Variants in CNTN3 observed in about 807,000 individuals in gnomAD.
The protein encoded by CNTN3 is contactin-3.
CNTN3 carries 60 observed loss-of-function variants against 119.1 expected under a neutral mutation model. The observed-to-expected ratio is 0.50, with a 90% CI of 0.41 to 0.62. CNTN3 has a LOEUF of 0.62. CNTN3 is among the 20% of genes least tolerant of loss of function. The pLI is 0.00. For missense variants in CNTN3, 1,101 were observed against 1,242.4 expected, an observed-to-expected ratio of 0.89 and a Z score of 1.71; for synonymous variants, 450 against 438.7, an observed-to-expected ratio of 1.03 and a Z score of -0.32.
At chr3:74,569,806 G>A (rs931447078) in intron 1 of CNTN3, among the ~76,000 whole-genome samples, 2 of 152,148 alleles carry the variant, frequency 1.3e-5, no homozygotes, top group African/African-American at 4.8e-5. Flanking sequence ...CTGGGGCTGA[G>A]ATCTCCCCTG....
At chr3:74,302,092 A>G (rs915442833) in intron 14 of CNTN3, among the ~76,000 whole-genome samples, 7 of 152,202 alleles carry the variant, frequency 4.6e-5, no homozygotes, top group Admixed American at 2.0e-4. Flanking sequence ...GCCTCTGTTC[A>G]GCAGGATTCC....
chr3:74,304,834 T>A (rs1236703244), intron 13 of CNTN3, among the ~76,000 whole-genome samples: 1 of 152,184 alleles, frequency 6.6e-6, no homozygotes, highest in Non-Finnish European at 1.5e-5. Context: ...GAAATGATTT[T>A]TTTTCAGCCC....
In CNTN3 at chr3:74,348,413, G is replaced by A. The variant is rs559871395; in HGVS notation, c.1365-11755C>T. On this transcript the variant is annotated intron_variant, in intron 11 of 22. Transcript: ENST00000263665. ...GAATTTGGATAGCTTGTGACTCACT[G>A]GTCACCAGTGGAATGCAGGGAAAGT... is the stretch of plus-strand genomic sequence containing the variant. 2.1e-4 allele frequency among the ~76,000 whole-genome samples: 32 copies of A among 152,244 alleles called. 1 individual carries two copies. The South Asian group carries it at 2.7e-3, about 13-fold the overall frequency.
At chr3:74,536,758 C>G (rs1175729144) in intron 1 of CNTN3, among the ~76,000 whole-genome samples, 2 of 152,084 alleles carry the variant, frequency 1.3e-5, no homozygotes, top group Non-Finnish European at 2.9e-5. Context: ...GTTCCCTTCA[C>G]CAAGCCTATT....
intron 1 of CNTN3, among the ~76,000 whole-genome samples, chr3:74,525,091 T>C (rs1463320276): frequency 6.6e-6 from 1 of 151,736 alleles, no homozygotes; most frequent in Non-Finnish European, 1.5e-5. Flanking sequence ...ATATTTGAAA[T>C]AAACATTCAA....
chr3:74,522,128 A>G (rs2107123348), intron 1 of CNTN3, among the ~76,000 whole-genome samples: 1 of 152,014 alleles, frequency 6.6e-6, no homozygotes, highest in South Asian at 2.1e-4. Flanking sequence ...ATGCAATCAG[A>G]TATTATGTAC....
intron 11 of CNTN3, among the ~76,000 whole-genome samples, chr3:74,356,189 C>G (rs1378021618): frequency 5.3e-5 from 8 of 152,028 alleles, no homozygotes; most frequent in African/African-American, 2.4e-5. Flanking sequence ...AGAGTGAGCC[C>G]TCACCAGACT....
chr3:74,544,804 T>G (rs919567143), intron 1 of CNTN3, among the ~76,000 whole-genome samples: 21 of 152,096 alleles, frequency 1.4e-4, no homozygotes, highest in African/African-American at 4.8e-4. Context: ...TTCACCATGT[T>G]AGCCAGGATG....
chr3:74,577,426 G>GT (rs1471474729), intron 1 of CNTN3, among the ~76,000 whole-genome samples: 2 of 152,084 alleles, frequency 1.3e-5, no homozygotes, highest in African/African-American at 2.4e-5. Flanking sequence ...TTTCTCAAGA[G>GT]TGGGGGGGAA....
intron 4 of CNTN3, among the ~76,000 whole-genome samples, chr3:74,458,948 A>C (rs1702317501): frequency 6.6e-6 from 1 of 152,008 alleles, no homozygotes; most frequent in Non-Finnish European, 1.5e-5. Context: ...GAAGTTGCAG[A>C]CCAACTGCAG....
intron 5 of CNTN3, among the ~76,000 whole-genome samples, chr3:74,380,070 G>C (rs1381693101): frequency 6.6e-6 from 1 of 152,266 alleles, no homozygotes; most frequent in South Asian, 2.1e-4. Flanking sequence ...TTCCCAAAAC[G>C]ACAGCACTGG....
chr3:74,607,610 CAG>C (rs1705014805), intron 1 of CNTN3, among the ~76,000 whole-genome samples: 1 of 152,154 alleles, frequency 6.6e-6, no homozygotes, highest in South Asian at 2.1e-4. Flanking sequence ...ACCAAAGACA[CAG>C]AGAACCACCC....
In CNTN3 at chr3:74,499,285, C is replaced by T. The variant is rs187361917; in HGVS notation, c.182+374G>A. ...CATATCCAGTAAAATGGTAAACGGA[C>T]AAAAGGTGGCACACAGAAGTATTTG... is the stretch of plus-strand genomic sequence containing the variant. On this transcript the variant is annotated intron_variant, in intron 3 of 22. Coordinates refer to ENST00000263665, the MANE Select transcript of CNTN3 (RefSeq NM_020872.3). Among the ~76,000 whole-genome samples the T allele has an allele frequency of 1.4e-4, 22 of 151,878 alleles. No homozygotes were observed. The East Asian group carries it at 4.1e-3, about 28-fold the overall frequency.
intron 13 of CNTN3, among the ~76,000 whole-genome samples, chr3:74,305,265 G>C (rs1271926516): frequency 2.0e-5 from 3 of 152,156 alleles, no homozygotes; most frequent in Non-Finnish European, 4.4e-5. Flanking sequence ...ACACTTCCAA[G>C]TTCTGCTGAA....
chr3:74,527,793 T>A (rs1159858215), intron 1 of CNTN3, among the ~76,000 whole-genome samples: 1 of 151,974 alleles, frequency 6.6e-6, no homozygotes, highest in Non-Finnish European at 1.5e-5. Flanking sequence ...GATGACTATT[T>A]GTACTTGACA....
intron 1 of CNTN3, among the ~76,000 whole-genome samples, chr3:74,555,023 C>T (rs917079721): frequency 6.6e-6 from 1 of 152,196 alleles, no homozygotes; most frequent in African/African-American, 2.4e-5. Context: ...AGTTATTGCC[C>T]ATCCAGTATG....
At position 74,320,524 on chromosome 3, in the gene CNTN3, G is replaced by C. The variant is rs192836446; in HGVS notation, c.1668+14211C>G. Among the ~76,000 whole-genome samples the C allele has an allele frequency of 2.6e-5, 4 of 152,250 alleles. No individual in the cohort carries two copies. The East Asian group carries it at 7.7e-4, about 29-fold the overall frequency. ...CACACTCCAGGGACTGTTGTGGGGT[G>C]GGGGGACGTGGGAGGGATAGCATTA... On this transcript the variant is annotated intron_variant, in intron 13 of 22. Transcript: ENST00000263665.
intron 1 of CNTN3, among the ~76,000 whole-genome samples, chr3:74,565,716 T>G (rs1220833208): frequency 6.6e-6 from 1 of 152,116 alleles, no homozygotes; most frequent in African/African-American, 2.4e-5. Flanking sequence ...GCCTGTGCCC[T>G]GCCAAAATGT....
chr3:74,371,872 T>C (rs1435385537), intron 5 of CNTN3, among the ~76,000 whole-genome samples: 1 of 152,080 alleles, frequency 6.6e-6, no homozygotes, highest in African/African-American at 2.4e-5. Context: ...AGCCCCATGC[T>C]CTCTTTTGTC....
Sources: gnomAD v4.1 joint callset for allele counts (sites outside exome capture counted in the v4.1 genomes callset) on GRCh38, gnomAD v4.1.1 for gene constraint, MANE v1.5 for transcripts, NCBI Gene and HGNC (gene_info 2026-07-23, HGNC 2026-07-21) for gene names.